The following NDRG1 variants were observed in gnomAD, a reference collection of about 807,000 sequenced individuals.
NDRG1 encodes protein NDRG1.
Under a neutral mutation model 56.9 loss-of-function variants are expected in NDRG1, and 32 were observed. The observed-to-expected ratio is 0.56, with a 90% CI of 0.42 to 0.76. NDRG1 has a LOEUF of 0.76. NDRG1 is among the 30% of genes least tolerant of loss of function. The pLI, the probability that NDRG1 is intolerant of heterozygous loss-of-function variation, is 0.00. For missense variants in NDRG1, 507 were observed against 545.7 expected (o/e 0.93, Z 0.71); for synonymous variants, 211 against 204.1 (o/e 1.03, Z -0.29).
At chr8:133,254,461 C>A (rs376525972) in intron 9 of NDRG1, 78 bp downstream of exon 9, 278 of 1,509,098 alleles carry the variant, frequency 1.8e-4, no homozygotes, top group Non-Finnish European at 2.5e-4. Context: ...TCTCCACCCC[C>A]ACATGGGGCC....
intron 9 of NDRG1, 112 bp from the exon 10 acceptor site, chr8:133,250,655 A>T (rs1855966387): frequency 3.2e-6 from 3 of 937,330 alleles, no homozygotes; most frequent in Non-Finnish European, 5.2e-6. Context: ...AATAATGCCT[A>T]ATCCACAAGA....
At chr8:133,280,894 C>G (rs1005382652) in intron 2 of NDRG1, 1 of 152,756 alleles carries the variant, frequency 6.5e-6, no homozygotes, top group Non-Finnish European at 1.5e-5. Flanking sequence ...ATTAACTGGT[C>G]TCCCCGGCTC....
chr8:133,296,872 C>T (rs1011398903), intron 1 of NDRG1: 4 of 219,156 alleles, frequency 1.8e-5, no homozygotes, highest in African/African-American at 7.0e-5. Flanking sequence ...CTCCAGAACC[C>T]CAATCCCCAG....
chr8:133,265,612 C>T (rs2977497), intron 3 of NDRG1, among the ~76,000 whole-genome samples: 66,928 of 151,790 alleles, frequency 0.44, 15,196 homozygotes, highest in African/African-American at 0.54. Flanking sequence ...TGACCCCCAG[C>T]CAGCTTACTC....
chr8:133,282,654 A>C (rs757131453), intron 2 of NDRG1, among the ~76,000 whole-genome samples: 1 of 152,218 alleles, frequency 6.6e-6, no homozygotes, highest in Non-Finnish European at 1.5e-5. Flanking sequence ...GGGTTGGCAC[A>C]CTGCAATCCG....
intron 5 of NDRG1, 50 bp from the exon 6 acceptor site, chr8:133,259,280 T>G (rs1324677545): frequency 6.4e-7 from 1 of 1,568,188 alleles, no homozygotes; most frequent in African/African-American, 1.4e-5. Context: ...CAGAAACGGG[T>G]AATCCAAACA....
At chr8:133,258,486 A>G (rs1019184192) in intron 6 of NDRG1, 60 bp from the exon 7 acceptor site, 13 of 1,547,648 alleles carry the variant, frequency 8.4e-6, no homozygotes, top group African/African-American at 1.4e-5. Context: ...GCCTCCAAGG[A>G]CCCACTTAGA....
At position 133,271,778 on chromosome 8, in the gene NDRG1, TAAAAAAAAAAAAAAA is replaced by T. The variant is rs66733314; in HGVS notation, c.100-7141_100-7127del. Among the ~76,000 whole-genome samples, 142 of 30,496 alleles carry T rather than the reference TAAAAAAAAAAAAAAA, an allele frequency of 4.7e-3. 2 individuals are homozygous for T. The highest frequency in any genetic ancestry group is 0.019 in the African/African-American group (138 of 7,446). 20.0% of individuals were successfully genotyped at this position (30,496 alleles called of 152,430 possible). A position where few individuals can be genotyped will look rare whatever the true frequency, so the allele number is the denominator to read the frequency against. ...ATGGGCAACAAAGGGAGACCCTGTCTAAAAAAAAAAAAAAAAAAAAAAAAAAAAGGAGTAAAGAAC... is the reference window on the plus strand; with the variant it reads ...ATGGGCAACAAAGGGAGACCCTGTCTAAAAAAAAAAAAAGGAGTAAAGAAC... On this transcript the variant is annotated intron_variant, in intron 3 of 15. Transcript: ENST00000323851.
intron 15 of NDRG1, chr8:133,239,362 TC>T: frequency 1.6e-6 from 1 of 640,232 alleles, no homozygotes; most frequent in Non-Finnish European, 2.7e-6. Flanking sequence ...CAGATCTGGG[TC>T]TGAACCCCAA....
intron 3 of NDRG1, among the ~76,000 whole-genome samples, chr8:133,279,982 T>C (rs1857691349): frequency 6.6e-6 from 1 of 152,178 alleles, no homozygotes; most frequent in Non-Finnish European, 1.5e-5. Flanking sequence ...GGCCAGCTCT[T>C]TGGGACTGAA....
chr8:133,252,899 G>C (rs1201182860), intron 9 of NDRG1, among the ~76,000 whole-genome samples: 1 of 152,054 alleles, frequency 6.6e-6, no homozygotes, highest in Non-Finnish European at 1.5e-5. Context: ...CAACTCCAGA[G>C]TGGGGCCTCT....
intron 3 of NDRG1, among the ~76,000 whole-genome samples, chr8:133,268,922 G>A (rs1229760500): frequency 6.6e-6 from 1 of 151,878 alleles, no homozygotes; most frequent in Non-Finnish European, 1.5e-5. Flanking sequence ...ACACGTGCAC[G>A]CACGCGGTTC....
chr8:133,259,820 A>G (rs989232017), intron 5 of NDRG1, among the ~76,000 whole-genome samples: 1 of 152,210 alleles, frequency 6.6e-6, no homozygotes, highest in African/African-American at 2.4e-5. Flanking sequence ...CAACAGAAAC[A>G]GGGGGTGTTA....
intron 12 of NDRG1, 119 bp from the exon 13 acceptor site, chr8:133,246,782 A>T: frequency 1.0e-6 from 1 of 956,950 alleles, no homozygotes; most frequent in South Asian, 1.3e-5. Context: ...CTGGCAAAGA[A>T]GAAAGTATGT....
rs370444401 is a variant in NDRG1 at position 133,279,416 on chromosome 8, A to T, written c.99+816T>A. On this transcript the variant is annotated intron_variant, in intron 3 of 15. Transcript: ENST00000323851. ...ATGAAATCAGAGATTCAAGAGGAAA[A>T]GCGGAGTTGTTTTGAGGTAAGGAGG... 7.6e-4 allele frequency among the ~76,000 whole-genome samples: 116 copies of T among 152,298 alleles called. 3 individuals carry two copies. The South Asian group carries it at 0.023, about 30-fold the overall frequency.
chr8:133,296,281 G>A (rs1026175967), intron 1 of NDRG1, among the ~76,000 whole-genome samples: 1 of 152,038 alleles, frequency 6.6e-6, no homozygotes, highest in African/African-American at 2.4e-5. Context: ...GGTGGGCGGA[G>A]GCGAAAATGA....
At chr8:133,239,301 G>A in intron 15 of NDRG1, 182 bp from the exon 16 acceptor site, 1 of 984,506 alleles carries the variant, frequency 1.0e-6, no homozygotes. Context: ...AGATGGCAAG[G>A]CCCAGATGCG....
chr8:133,289,816 G>A (rs1215877375), intron 1 of NDRG1, among the ~76,000 whole-genome samples: 3 of 152,202 alleles, frequency 2.0e-5, no homozygotes, highest in Non-Finnish European at 4.4e-5. Flanking sequence ...GGGGCAGCAG[G>A]AACGCTGGCC....
At chr8:133,265,613 C>T (rs1856879030) in intron 3 of NDRG1, among the ~76,000 whole-genome samples, 1 of 152,064 alleles carries the variant, frequency 6.6e-6, no homozygotes, top group African/African-American at 2.4e-5. Context: ...GACCCCCAGC[C>T]AGCTTACTCC....
Sources: allele counts gnomAD v4.1 joint callset (sites outside exome capture counted in the v4.1 genomes callset), GRCh38; gene constraint gnomAD v4.1.1; transcripts MANE v1.5; gene names NCBI Gene and HGNC (gene_info 2026-07-23, HGNC 2026-07-21).